FGF14: variants seen among roughly 807,000 people sequenced by gnomAD.
FGF14 encodes fibroblast growth factor homologous factor 4.
FGF14 carries 5 observed loss-of-function variants against 25.5 expected under a neutral mutation model. The observed-to-expected ratio is 0.20, with a 90% confidence interval of 0.10 to 0.41. FGF14 has a LOEUF of 0.41. Ranked by LOEUF, FGF14 falls within the 10% of genes least tolerant of loss-of-function variation. FGF14 has a pLI of 1.00. For missense variants in FGF14, 222 were observed against 320.1 expected (o/e 0.69, Z 2.34); for synonymous variants, 138 against 118.3 (o/e 1.17, Z -1.08).
intron 2 of FGF14, among the ~76,000 whole-genome samples, chr13:101,871,098 G>T (rs1414542831): frequency 6.6e-6 from 1 of 152,092 alleles, no homozygotes; most frequent in Admixed American, 6.6e-5. Context: ...GGCCATGATG[G>T]AACCGGTACT....
chr13:102,394,422 G>C (rs1283198984), intron 1 of FGF14: 2 of 152,522 alleles, frequency 1.3e-5, no homozygotes, highest in Middle Eastern at 3.4e-3. Context: ...CACCACGGAA[G>C]AGCGAAGATC....
intron 1 of FGF14, among the ~76,000 whole-genome samples, chr13:101,922,373 C>T (rs903820559): frequency 6.6e-6 from 1 of 152,134 alleles, no homozygotes; most frequent in Admixed American, 6.5e-5. Flanking sequence ...AGTTTGAGTT[C>T]TGAATTTCAA....
intron 1 of FGF14, among the ~76,000 whole-genome samples, chr13:102,174,962 T>C (rs473414): frequency 0.18 from 27,959 of 151,620 alleles, 4,527 homozygotes; most frequent in East Asian, 0.7. Flanking sequence ...CTGGCACGAA[T>C]AAGTGGAGAA....
At chr13:101,859,187 T>C (rs2044281485) in intron 3 of FGF14, among the ~76,000 whole-genome samples, 1 of 152,242 alleles carries the variant, frequency 6.6e-6, no homozygotes, top group East Asian at 1.9e-4. Flanking sequence ...AATAAATTAA[T>C]AAAATGTACT....
At chr13:102,048,257 G>C (rs2042076881) in intron 1 of FGF14, among the ~76,000 whole-genome samples, 1 of 152,084 alleles carries the variant, frequency 6.6e-6, no homozygotes, top group African/African-American at 2.4e-5. Flanking sequence ...CTTAGGAAAA[G>C]TACCAATCTT....
intron 3 of FGF14, among the ~76,000 whole-genome samples, chr13:101,733,941 C>T (rs2035995858): frequency 6.6e-6 from 1 of 151,174 alleles, no homozygotes; most frequent in Non-Finnish European, 1.5e-5. Context: ...TTCACTTATT[C>T]AATATAAATA....
chr13:102,048,263 A>G (rs566624596), intron 1 of FGF14, among the ~76,000 whole-genome samples: 3 of 152,210 alleles, frequency 2.0e-5, no homozygotes, highest in Admixed American at 6.5e-5. Flanking sequence ...AAAAGTACCA[A>G]TCTTATGTTT....
At chr13:102,010,929 T>C (rs61031175) in intron 1 of FGF14, among the ~76,000 whole-genome samples, 2 of 152,058 alleles carry the variant, frequency 1.3e-5, no homozygotes, top group Non-Finnish European at 2.9e-5. Flanking sequence ...TCAAAGTGAG[T>C]TTTTGTTCTC....
At chr13:101,960,473 G>A (rs12430821) in intron 1 of FGF14, among the ~76,000 whole-genome samples, 15,407 of 152,104 alleles carry the variant, frequency 0.1, 911 homozygotes, top group Admixed American at 0.2. Context: ...GTTTTCTGCT[G>A]AGGATAATGG....
At chr13:102,339,009 CAAA>C (rs56216247) in intron 1 of FGF14, among the ~76,000 whole-genome samples, 107 of 134,148 alleles carry the variant, frequency 8.0e-4, no homozygotes, top group East Asian at 1.5e-3. Flanking sequence ...GACTCTGTCT[CAAA>C]AAAAAAAAAA....
chr13:102,011,108 A>C (rs767042871), intron 1 of FGF14, among the ~76,000 whole-genome samples: 1 of 152,112 alleles, frequency 6.6e-6, no homozygotes, highest in Non-Finnish European at 1.5e-5. Flanking sequence ...GATTTTGAAA[A>C]CTTGAAGACA....
At chr13:102,197,655 T>G (rs573548151) in intron 1 of FGF14, among the ~76,000 whole-genome samples, 24 of 151,872 alleles carry the variant, frequency 1.6e-4, no homozygotes, top group Middle Eastern at 3.4e-3. Flanking sequence ...TATTTACACA[T>G]ATATAGATAC....
intron 1 of FGF14, among the ~76,000 whole-genome samples, chr13:102,351,182 T>A (rs1055052477): frequency 1.3e-5 from 2 of 152,092 alleles, no homozygotes; most frequent in Admixed American, 6.6e-5. Flanking sequence ...TTCTTTCCTA[T>A]GTGAATCAAA....
chr13:101,888,147 C>T (rs1364103661), intron 1 of FGF14, among the ~76,000 whole-genome samples: 2 of 152,050 alleles, frequency 1.3e-5, no homozygotes, highest in Admixed American at 1.3e-4. Context: ...GCTCTGGGCA[C>T]GCATGAAACT....
intron 1 of FGF14, among the ~76,000 whole-genome samples, chr13:102,185,842 T>C (rs917276353): frequency 1.3e-5 from 2 of 152,176 alleles, no homozygotes; most frequent in African/African-American, 4.8e-5. Context: ...ATTACTGCGA[T>C]GATATGAGAT....
chr13:102,150,474 C>T (rs1424790988), intron 1 of FGF14, among the ~76,000 whole-genome samples: 1 of 152,098 alleles, frequency 6.6e-6, no homozygotes, highest in African/African-American at 2.4e-5. Context: ...ATGTGCCCAC[C>T]ATTCTCACTT....
intron 1 of FGF14, among the ~76,000 whole-genome samples, chr13:102,135,558 G>A (rs1221453101): frequency 6.6e-6 from 1 of 152,140 alleles, no homozygotes; most frequent in Non-Finnish European, 1.5e-5. Context: ...AAGATACTAG[G>A]ACTTTGGTTA....
intron 1 of FGF14, among the ~76,000 whole-genome samples, chr13:102,103,188 G>T (rs746701816): frequency 1.8e-4 from 28 of 152,230 alleles, no homozygotes; most frequent in Non-Finnish European, 2.2e-4. Flanking sequence ...CCAAGTAGGA[G>T]AATGAATACC....
At chr13:102,149,436 G>C (rs1156406947) in intron 1 of FGF14, among the ~76,000 whole-genome samples, 3 of 151,008 alleles carry the variant, frequency 2.0e-5, no homozygotes, top group Non-Finnish European at 2.9e-5. Flanking sequence ...ACAGTACTGT[G>C]AGAGAGAGAC....
Sources: gnomAD v4.1 joint callset for allele counts (sites outside exome capture counted in the v4.1 genomes callset) on GRCh38, gnomAD v4.1.1 for gene constraint, MANE v1.5 for transcripts, NCBI Gene and HGNC (gene_info 2026-07-23, HGNC 2026-07-21) for gene names.